The following ERC2 variants were observed in gnomAD, a reference collection of about 807,000 sequenced individuals.
ERC2 encodes the protein ELKS/RAB6-interacting/CAST family member 2, also known as ERC protein 2.
A neutral mutation model predicts 114.8 loss-of-function variants in ERC2; 42 were observed. The observed-to-expected ratio is 0.37, with a 90% CI of 0.29 to 0.47. The LOEUF is 0.47. ERC2 is among the 20% of genes least tolerant of loss of function. ERC2 has a pLI of 0.99. For synonymous variants in ERC2, 454 were observed against 425.5 expected, an observed-to-expected ratio of 1.07 and a Z score of -0.82; for missense variants, 939 against 1,150.7, an observed-to-expected ratio of 0.82 and a Z score of 2.66.
intron 17 of ERC2, among the ~76,000 whole-genome samples, chr3:55,525,228 G>A (rs1432870296): frequency 6.6e-6 from 1 of 152,160 alleles, no homozygotes; most frequent in Admixed American, 6.5e-5. Flanking sequence ...TATAATTTTT[G>A]CCTATTTTCT....
At chr3:56,198,403 C>T (rs1019830231) in intron 3 of ERC2, among the ~76,000 whole-genome samples, 13 of 152,090 alleles carry the variant, frequency 8.5e-5, no homozygotes, top group Non-Finnish European at 1.9e-4. Flanking sequence ...CAGATGGATA[C>T]CTAGGGTTGT....
chr3:55,882,579 T>C (rs2063164168), intron 14 of ERC2, among the ~76,000 whole-genome samples: 1 of 152,248 alleles, frequency 6.6e-6, no homozygotes, highest in Admixed American at 6.5e-5. Context: ...TTTTTCTTGC[T>C]ATTATTTCCT....
At chr3:55,999,218 T>A (rs1417780174) in intron 10 of ERC2, among the ~76,000 whole-genome samples, 6 of 152,144 alleles carry the variant, frequency 3.9e-5, no homozygotes, top group African/African-American at 1.2e-4. Context: ...TGCACAGTGT[T>A]ATAATAATAA....
intron 17 of ERC2, among the ~76,000 whole-genome samples, chr3:55,621,684 C>T (rs1323525920): frequency 6.6e-6 from 1 of 152,136 alleles, no homozygotes; most frequent in African/African-American, 2.4e-5. Flanking sequence ...TGGCATTTCA[C>T]TTTTGGAAGG....
At position 56,007,177 on chromosome 3, in the gene ERC2, T is replaced by C; in HGVS notation, c.2061+4A>G. ...CATGATTCTTTTTCTTAGACTTCAC[T>C]TACCTTTTTTAACTGTGCTTCCAAT... On this transcript the variant is annotated splice_donor_region_variant and intron_variant, in intron 10 of 17. Coordinates refer to ENST00000288221, the MANE Select transcript of ERC2 (RefSeq NM_015576.3). 1 of 1,556,244 alleles carries C rather than the reference T, an allele frequency of 6.4e-7. No individual in the cohort carries two copies.
At chr3:55,917,721 T>A (rs1281637394) in intron 13 of ERC2, among the ~76,000 whole-genome samples, 1 of 152,158 alleles carries the variant, frequency 6.6e-6, no homozygotes. Context: ...TAAAATTGAT[T>A]GCACAACTCT....
chr3:55,950,496 T>C lies in ERC2; in HGVS notation c.2332A>G (p.Lys778Glu). ...ACTTCTTCTAGTAACTGAGCATTTT[T>C]CTTCTTTTCCAACTGTTGATTGTGC... The part of the protein sequence containing the change: ...LKHNQQLEKK[K>E]NAQLLEEVRR... Residue 778 changes from lysine (K) to glutamate (E), a missense_variant, in exon 13 of 18, where the codon AAA (lysine) becomes GAA (glutamate). Physicochemically the swap from Lys to Glu is moderately conservative, Grantham distance 56. This residue lies in a region of ERC2 where 328 missense variants were observed against 353.9 expected (regional missense o/e 0.93). Coordinates refer to ENST00000288221, the MANE Select transcript of ERC2 (RefSeq NM_015576.3). 1 of 1,614,066 alleles carries C rather than the reference T, an allele frequency of 6.2e-7. No individual in the cohort carries two copies. The highest frequency in any genetic ancestry group is 2.2e-5 in the East Asian group (1 of 44,884).
Position 55,820,950 on chromosome 3 carries a change from G to T in ERC2, c.2564+67439C>A, listed in dbSNP as rs894480004. 4.5e-4 allele frequency among the ~76,000 whole-genome samples: 69 copies of T among 152,262 alleles called. 2 individuals are homozygous for T. Among genetic ancestry groups the T allele is most frequent in the Non-Finnish European group, 2.1e-4 (14 of 68,026 alleles). On this transcript the variant is annotated intron_variant, in intron 14 of 17. Coordinates refer to ENST00000288221, the MANE Select transcript of ERC2 (RefSeq NM_015576.3). Reference sequence around the variant, plus strand: ...TCAGGCTAATGTTTTATAACTTGAAGGTTTCCTTGGCTGCTTGTTCAGTGT... The same window carrying T: ...TCAGGCTAATGTTTTATAACTTGAATGTTTCCTTGGCTGCTTGTTCAGTGT...
At chr3:55,753,404 G>T (rs1413971361) in intron 14 of ERC2, among the ~76,000 whole-genome samples, 17 of 152,164 alleles carry the variant, frequency 1.1e-4, no homozygotes, top group Admixed American at 1.1e-3. Context: ...TCACTAAGAG[G>T]TTCACAGAAG....
At chr3:56,383,712 T>TTAACCATCTCA (rs2059837324) in intron 2 of ERC2, among the ~76,000 whole-genome samples, 1 of 152,182 alleles carries the variant, frequency 6.6e-6, no homozygotes, top group Non-Finnish European at 1.5e-5. Context: ...ATTTACCATT[T>TTAACCATCTCA]TAACCATCTC....
At chr3:56,224,476 G>A (rs1265309153) in intron 3 of ERC2, among the ~76,000 whole-genome samples, 1 of 152,134 alleles carries the variant, frequency 6.6e-6, no homozygotes, top group African/African-American at 2.4e-5. Context: ...GGGGGTAAAA[G>A]GAACACAGAG....
At chr3:56,072,972 A>G (rs1259894423) in intron 7 of ERC2, among the ~76,000 whole-genome samples, 2 of 152,206 alleles carry the variant, frequency 1.3e-5, no homozygotes, top group African/African-American at 2.4e-5. Context: ...AGGGTTCAAG[A>G]GTGTCATACA....
chr3:55,531,490 C>T (rs1252614797), intron 17 of ERC2, among the ~76,000 whole-genome samples: 1 of 152,092 alleles, frequency 6.6e-6, no homozygotes, highest in Admixed American at 6.5e-5. Context: ...GCATTTGTGT[C>T]CTTGCTGCCA....
intron 14 of ERC2, among the ~76,000 whole-genome samples, chr3:55,744,286 C>T (rs2066171534): frequency 6.6e-6 from 1 of 152,156 alleles, no homozygotes; most frequent in African/African-American, 2.4e-5. Flanking sequence ...CACCTGTAAT[C>T]TCAGCTACTC....
At chr3:56,271,152 T>C (rs1431009923) in intron 3 of ERC2, among the ~76,000 whole-genome samples, 1 of 152,232 alleles carries the variant, frequency 6.6e-6, no homozygotes, top group African/African-American at 2.4e-5. Context: ...TCCCACTTTA[T>C]CCATTCTTTG....
At chr3:55,970,927 G>A (rs1192708059) in intron 12 of ERC2, among the ~76,000 whole-genome samples, 1 of 151,932 alleles carries the variant, frequency 6.6e-6, no homozygotes, top group African/African-American at 2.4e-5. Flanking sequence ...GCTAAAAACT[G>A]GAAACAACCT....
intron 12 of ERC2, among the ~76,000 whole-genome samples, chr3:55,980,609 A>C (rs1301505585): frequency 5.9e-5 from 9 of 152,166 alleles, no homozygotes; most frequent in Non-Finnish European, 1.3e-4. Context: ...CTATTTTTTT[A>C]AATTCCTTCC....
At position 56,434,402 on chromosome 3, in the gene ERC2, C is replaced by T. The variant is rs374729504; in HGVS notation, c.606G>A (p.Ala202=). 3.5e-5 allele frequency: 56 copies of T among 1,613,816 alleles called. No homozygotes were observed. Among genetic ancestry groups the T allele is most frequent in the South Asian group, 3.4e-4 (31 of 91,072 alleles). ...TCTGCTCCTTGAGGACAGACATCCG[C>T]GCTGCCTCTTCTTTCCTCAAGACTC... The part of the protein sequence containing the change: ...KERVLRKEEA[A]RMSVLKEQMR... The change falls in exon 2 of 18, where the codon GCG becomes GCA. Residue 202 remains alanine (A), a synonymous_variant. Transcript: ENST00000288221.
intron 3 of ERC2, among the ~76,000 whole-genome samples, chr3:56,290,147 A>C (rs2054989738): frequency 6.6e-6 from 1 of 152,242 alleles, no homozygotes; most frequent in African/African-American, 2.4e-5. Context: ...GAAGACTGCC[A>C]GTTAAAGCTA....
Sources: gnomAD v4.1 joint callset for allele counts (sites outside exome capture counted in the v4.1 genomes callset) on GRCh38, gnomAD v4.1.1 for gene constraint, gnomAD v4.1.1 regional missense constraint, MANE v1.5 for transcripts, NCBI Gene and HGNC (gene_info 2026-07-23, HGNC 2026-07-21) for gene names.